The following GALNT13 variants were observed in gnomAD, a reference collection of about 807,000 sequenced individuals.
GALNT13 encodes the protein UDP-GalNAc:polypeptide N-acetylgalactosaminyltransferase 13.
Under a neutral mutation model 64.2 loss-of-function variants are expected in GALNT13, and 28 were observed. The observed-to-expected ratio is 0.44, with a 90% CI of 0.32 to 0.60. The LOEUF is 0.60. Ranked by LOEUF, GALNT13 falls within the 20% of genes least tolerant of loss-of-function variation. The pLI, the probability that GALNT13 is intolerant of heterozygous loss-of-function variation, is 0.05. For missense variants in GALNT13, 577 were observed against 669.8 expected (o/e 0.86, Z 1.53); for synonymous variants, 214 against 224.6 (o/e 0.95, Z 0.42).
chr2:154,108,377 TA>T (rs1200154566), intron 3 of GALNT13, among the ~76,000 whole-genome samples: 4 of 152,132 alleles, frequency 2.6e-5, no homozygotes, highest in Non-Finnish European at 5.9e-5. Context: ...GAGTATTTTT[TA>T]TATTTCTGTT....
chr2:153,910,324 T>G (rs1020856325), intron 2 of GALNT13, among the ~76,000 whole-genome samples: 12 of 152,048 alleles, frequency 7.9e-5, no homozygotes, highest in African/African-American at 2.9e-4. Flanking sequence ...ATCTTCTATC[T>G]TTTTCTCTTT....
chr2:154,426,453 G>A (rs1229838351), intron 11 of GALNT13, among the ~76,000 whole-genome samples: 2 of 152,164 alleles, frequency 1.3e-5, no homozygotes, highest in Non-Finnish European at 2.9e-5. Context: ...AGGTTATACA[G>A]GGCATGTATA....
At chr2:153,829,267 T>A in the GALNT13 span, among the ~76,000 whole-genome samples, 1 of 152,190 alleles carries the variant, frequency 6.6e-6, no homozygotes, top group East Asian at 1.9e-4. Context: ...ACTATATTAG[T>A]CTTTTTTCAC....
At chr2:153,611,469 A>G in the GALNT13 span, among the ~76,000 whole-genome samples, 7 of 151,946 alleles carry the variant, frequency 4.6e-5, no homozygotes, top group African/African-American at 1.4e-4. Context: ...CCCAGGTTCA[A>G]GCAATTCTCC....
the GALNT13 span, among the ~76,000 whole-genome samples, chr2:153,542,490 A>C: frequency 6.6e-6 from 1 of 152,178 alleles, no homozygotes; most frequent in Non-Finnish European, 1.5e-5. Context: ...CAAGGGGCCA[A>C]GTTGGGGATC....
At chr2:153,092,725 A>G in the GALNT13 span, among the ~76,000 whole-genome samples, 20 of 152,206 alleles carry the variant, frequency 1.3e-4, no homozygotes, top group South Asian at 1.5e-3. Flanking sequence ...CAGTTCTAAT[A>G]TTTTTCTTGT....
chr2:153,646,455 T>TTA, the GALNT13 span, among the ~76,000 whole-genome samples: 30,249 of 147,860 alleles, frequency 0.2, 3,760 homozygotes, highest in Middle Eastern at 0.43. Context: ...TTTTTTTCTT[T>TTA]TATATATATA....
At chr2:154,326,845 A>G (rs1694901394) in intron 9 of GALNT13, among the ~76,000 whole-genome samples, 1 of 152,158 alleles carries the variant, frequency 6.6e-6, no homozygotes, top group Non-Finnish European at 1.5e-5. Flanking sequence ...AAAAATTAGT[A>G]TCAACTAATT....
At chr2:153,700,799 C>A in the GALNT13 span, among the ~76,000 whole-genome samples, 2,365 of 152,196 alleles carry the variant, frequency 0.016, 62 homozygotes, top group East Asian at 0.12. Context: ...CACGAAGGAC[C>A]TCTTCAAAGA....
At chr2:153,899,874 C>G (rs903110822) in intron 1 of GALNT13, among the ~76,000 whole-genome samples, 1 of 149,794 alleles carries the variant, frequency 6.7e-6, no homozygotes, top group South Asian at 2.1e-4. Context: ...TCTGTCTGAT[C>G]TGTCTGAAAG....
At chr2:153,675,109 T>G in the GALNT13 span, among the ~76,000 whole-genome samples, 2 of 152,220 alleles carry the variant, frequency 1.3e-5, no homozygotes, top group African/African-American at 2.4e-5. Context: ...GAGTGTAAAT[T>G]AGTTCAACCA....
In GALNT13 at chr2:154,299,699, G is replaced by A. The variant is rs566732826; in HGVS notation, c.976-1710G>A. Among the ~76,000 whole-genome samples the A allele has an allele frequency of 1.5e-3, 223 of 151,202 alleles. 1 individual carries two copies. Among genetic ancestry groups the A allele is most frequent in the Middle Eastern group, 0.01 (3 of 292 alleles). On this transcript the variant is annotated intron_variant, in intron 8 of 12. Coordinates refer to ENST00000392825, the MANE Select transcript of GALNT13 (RefSeq NM_052917.4). ...AGGATGGTCTCGATCTCTTGACCTCGTGATCCGCCCACCTCGGCCTCCCAA... is the reference window on the plus strand; with the variant it reads ...AGGATGGTCTCGATCTCTTGACCTCATGATCCGCCCACCTCGGCCTCCCAA...
At chr2:154,141,296 GAATT>G (rs1442445660) in intron 4 of GALNT13, among the ~76,000 whole-genome samples, 2 of 151,970 alleles carry the variant, frequency 1.3e-5, no homozygotes, top group Non-Finnish European at 2.9e-5. Context: ...CTTCAGTAAT[GAATT>G]AACCTTACAT....
chr2:153,105,009 A>G, the GALNT13 span, among the ~76,000 whole-genome samples: 3 of 146,938 alleles, frequency 2.0e-5, no homozygotes, highest in African/African-American at 7.5e-5. Context: ...AGCATTAGGT[A>G]TATCTCCTAA....
chr2:153,409,274 ATATATATATATATGAATATGTATG>A, the GALNT13 span, among the ~76,000 whole-genome samples: 97 of 136,436 alleles, frequency 7.1e-4, no homozygotes, highest in Admixed American at 3.7e-3. Context: ...ACTCCCTTTC[ATATATATATATATGAATATGTATG>A]TATATATATA....
the GALNT13 span, among the ~76,000 whole-genome samples, chr2:153,765,298 C>T: frequency 6.6e-6 from 1 of 152,132 alleles, no homozygotes; most frequent in African/African-American, 2.4e-5. Flanking sequence ...ACAGGGGTGG[C>T]ACTGCCTAAG....
rs1024777370 is a variant in GALNT13 at position 154,140,546 on chromosome 2, C to G, written c.311+41C>G. 5.1e-6 allele frequency: 7 copies of G among 1,367,124 alleles called. No individual in the cohort carries two copies. In the East Asian group the frequency reaches 1.6e-4, roughly 32 times the overall value. 84.7% of individuals were successfully genotyped at this position (1,367,124 alleles called of 1,614,324 possible). A position where few individuals can be genotyped will look rare whatever the true frequency, so the allele number is the denominator to read the frequency against. ...TTATATAATCTTTTATATTCATAAT[C>G]ACCATATTTCAGAATCTCAGAACTT... On this transcript the variant is annotated intron_variant, in intron 4 of 12. Transcript: ENST00000392825.
chr2:154,287,386 G>T (rs966399454), intron 8 of GALNT13: 2 of 507,876 alleles, frequency 3.9e-6, no homozygotes, highest in Non-Finnish European at 7.4e-6. Flanking sequence ...TCACCTACCT[G>T]CCTGTGGGGC....
intron 11 of GALNT13, among the ~76,000 whole-genome samples, chr2:154,422,178 CAATG>C (rs1700282856): frequency 6.6e-6 from 1 of 152,094 alleles, no homozygotes; most frequent in East Asian, 1.9e-4. Context: ...ACAAAAGAAG[CAATG>C]AGCTTTCAGA....
Sources: allele counts gnomAD v4.1 joint callset (sites outside exome capture counted in the v4.1 genomes callset), GRCh38; gene constraint gnomAD v4.1.1; transcripts MANE v1.5; gene names NCBI Gene and HGNC (gene_info 2026-07-23, HGNC 2026-07-21).